The following FILIP1L variants were observed in gnomAD, a reference collection of about 807,000 sequenced individuals.
FILIP1L encodes the protein filamin A interacting protein 1 like, also known as filamin A-interacting protein 1-like.
A neutral mutation model predicts 96.6 loss-of-function variants in FILIP1L; 55 were observed. That is an observed-to-expected ratio of 0.57 (90% confidence interval 0.46 to 0.71). The LOEUF is 0.71. FILIP1L is among the 30% of genes least tolerant of loss of function. FILIP1L has a pLI of 0.00. For missense variants in FILIP1L, 1,304 were observed against 1,321.2 expected (o/e 0.99, Z 0.20); for synonymous variants, 467 against 473.9 (o/e 0.99, Z 0.19).
At chr3:99,907,183 C>T (rs1706644953) in intron 4 of FILIP1L, among the ~76,000 whole-genome samples, 1 of 152,098 alleles carries the variant, frequency 6.6e-6, no homozygotes, top group Non-Finnish European at 1.5e-5. Context: ...TACTTTGTCA[C>T]GTTATCATAG....
At chr3:100,044,202 T>C (rs1203963761) in intron 1 of FILIP1L, among the ~76,000 whole-genome samples, 1 of 152,232 alleles carries the variant, frequency 6.6e-6, no homozygotes, top group African/African-American at 2.4e-5. Flanking sequence ...TAACAAATTT[T>C]GATTGAGCGT....
chr3:99,929,421 A>G (rs546121117), intron 3 of FILIP1L, among the ~76,000 whole-genome samples: 3 of 152,308 alleles, frequency 2.0e-5, no homozygotes, highest in Middle Eastern at 3.4e-3. Flanking sequence ...CAAAATTTCT[A>G]TGACATAATA....
intron 1 of FILIP1L, among the ~76,000 whole-genome samples, chr3:100,028,860 G>C (rs2064973544): frequency 6.6e-6 from 1 of 152,098 alleles, no homozygotes; most frequent in Non-Finnish European, 1.5e-5. Context: ...CAATGGTGAT[G>C]TGTTTCAATA....
chr3:99,837,779 G>C (rs568947318), intron 5 of FILIP1L, among the ~76,000 whole-genome samples: 1 of 152,326 alleles, frequency 6.6e-6, no homozygotes, highest in South Asian at 2.1e-4. Flanking sequence ...TAGAAATCCA[G>C]ATTTAGAGTG....
chr3:100,062,521 GGTCA>G (rs888485296), intron 1 of FILIP1L, among the ~76,000 whole-genome samples: 1 of 151,950 alleles, frequency 6.6e-6, no homozygotes, highest in African/African-American at 2.4e-5. Flanking sequence ...CTCATACGGG[GGTCA>G]GTCACACCAA....
At chr3:99,906,849 T>A (rs1706633697) in intron 4 of FILIP1L, among the ~76,000 whole-genome samples, 1 of 152,178 alleles carries the variant, frequency 6.6e-6, no homozygotes, top group East Asian at 1.9e-4. Context: ...ATTTTGCCAT[T>A]TTCCCCACCC....
chr3:99,923,835 C>T (rs1164399448), intron 4 of FILIP1L, among the ~76,000 whole-genome samples: 1 of 152,236 alleles, frequency 6.6e-6, no homozygotes, highest in Non-Finnish European at 1.5e-5. Flanking sequence ...ATGCCCTATG[C>T]TGTAGCCATG....
In FILIP1L at chr3:99,985,220, T is replaced by C. The variant is rs1360992819; in HGVS notation, c.-10-54190A>G. Among the ~76,000 whole-genome samples the C allele has an allele frequency of 3.3e-5, 5 of 152,152 alleles. No homozygotes were observed. The East Asian group carries it at 9.6e-4, about 29-fold the overall frequency. On this transcript the variant is annotated intron_variant, in intron 1 of 5. Transcript: ENST00000477258. ...AGGTTGAGAAAACTGCAATTGGTTC[T>C]CTAAAATTAGTCTCAAGAAAGTGAT...
chr3:99,941,884 C>T (rs1185510453), intron 1 of FILIP1L, among the ~76,000 whole-genome samples: 1 of 152,102 alleles, frequency 6.6e-6, no homozygotes, highest in Non-Finnish European at 1.5e-5. Flanking sequence ...AATTGATCAA[C>T]AATGCAATAG....
intron 5 of FILIP1L, among the ~76,000 whole-genome samples, chr3:99,833,616 A>T (rs555006009): frequency 6.6e-6 from 1 of 152,348 alleles, no homozygotes; most frequent in South Asian, 2.1e-4. Context: ...AAAGGAAATT[A>T]ATTTTGTAAG....
intron 1 of FILIP1L, among the ~76,000 whole-genome samples, chr3:100,019,529 AT>A (rs1354439109): frequency 6.6e-6 from 1 of 152,208 alleles, no homozygotes; most frequent in Non-Finnish European, 1.5e-5. Context: ...TTTTAAAGTA[AT>A]TTTTTAAAAG....
chr3:99,829,893 C>T lies in FILIP1L; in HGVS notation c.*521G>A, dbSNP rs1434317305. ...GCTTTTCCTCCTTTAAGAATTATCA[C>T]TTTGCTTTTTCCCTCCTGGTCATAA... On this transcript the variant is annotated 3_prime_UTR_variant, in exon 6 of 6. Transcript: ENST00000477258. Among the ~76,000 whole-genome samples, 1 of 152,200 alleles carries T rather than the reference C, an allele frequency of 6.6e-6. No homozygotes were observed. The highest frequency in any genetic ancestry group is 1.5e-5 in the Non-Finnish European group (1 of 68,048).
Position 99,849,116 on chromosome 3 carries a change from G to A in FILIP1L, c.2560C>T (p.Pro854Ser). Residue 854 changes from proline to serine, a missense_variant, in exon 5 of 6, where the codon CCA becomes TCA. Physicochemically the swap from Pro to Ser is moderately conservative, Grantham distance 74. Transcript: ENST00000477258. The part of the protein sequence containing the change: ...VLSFKCSQST[P>S]CPVNRKLWIP... ...CATAGCTTTCTGTTAACAGGACATG[G>A]AGTAGACTGGCTGCATTTGAAGGAC... The A allele has an allele frequency of 6.2e-7, 1 of 1,614,142 alleles. No individual in the cohort carries two copies. Among genetic ancestry groups the A allele is most frequent in the Non-Finnish European group, 8.5e-7 (1 of 1,180,008 alleles).
chr3:100,089,767 C>G (rs2066071944), intron 1 of FILIP1L, among the ~76,000 whole-genome samples: 1 of 152,152 alleles, frequency 6.6e-6, no homozygotes, highest in Admixed American at 6.5e-5. Flanking sequence ...ACACCCGTGG[C>G]TAATTGAGGA....
intron 1 of FILIP1L, among the ~76,000 whole-genome samples, chr3:100,011,054 G>T (rs1003960653): frequency 3.3e-5 from 5 of 152,080 alleles, no homozygotes; most frequent in Non-Finnish European, 5.9e-5. Flanking sequence ...GTGGTGCAAG[G>T]ATGGTACCAG....
intron 4 of FILIP1L, among the ~76,000 whole-genome samples, chr3:99,919,143 G>GA (rs2107648263): frequency 6.6e-6 from 1 of 152,092 alleles, no homozygotes; most frequent in South Asian, 2.1e-4. Context: ...CAAAGAAACT[G>GA]AAAATCTTAA....
intron 1 of FILIP1L, among the ~76,000 whole-genome samples, chr3:100,050,090 C>G (rs1440948613): frequency 6.6e-6 from 1 of 152,152 alleles, no homozygotes. Context: ...ATCACACAGA[C>G]TCACCTGTGG....
Position 99,848,422 on chromosome 3 carries a change from G to C in FILIP1L, c.3254C>G (p.Ala1085Gly), listed in dbSNP as rs747114419. The C allele has an allele frequency of 1.2e-6, 2 of 1,614,200 alleles. No individual in the cohort carries two copies. Among genetic ancestry groups the C allele is most frequent in the Non-Finnish European group, 1.7e-6 (2 of 1,180,014 alleles). The part of the protein sequence containing the change: ...ASPVRPASPS[A>G]PLQDNRTQGL... The stretch of plus-strand genomic sequence containing the variant: ...TTGAGTTCGGTTATCCTGCAGTGGT[G>C]CTGAAGGGCTGGCAGGTCTCACAGG... The change falls in exon 5 of 6, where the codon GCA becomes GGA. Residue 1085 changes from alanine (A) to glycine (G), a missense_variant. Ala to Gly is a moderately conservative substitution (Grantham distance 60). Transcript: ENST00000477258.
At chr3:100,110,529 G>A (rs900292479) in intron 1 of FILIP1L, among the ~76,000 whole-genome samples, 2 of 152,028 alleles carry the variant, frequency 1.3e-5, no homozygotes, top group Non-Finnish European at 2.9e-5. Flanking sequence ...AAGCCTCCAA[G>A]GAATTACAAC....
Sources: allele counts gnomAD v4.1 joint callset (sites outside exome capture counted in the v4.1 genomes callset), GRCh38; gene constraint gnomAD v4.1.1; transcripts MANE v1.5; gene names NCBI Gene and HGNC (gene_info 2026-07-23, HGNC 2026-07-21).